JARID2: variants seen among roughly 807,000 people sequenced by gnomAD.
JARID2 encodes protein Jumonji.
Under a neutral mutation model 125.6 loss-of-function variants are expected in JARID2, and 21 were observed. The ratio of observed to expected loss-of-function variants is 0.17; its 90% confidence interval spans 0.12 to 0.24. The LOEUF (loss-of-function observed/expected upper bound fraction) is 0.24, where lower values mean the gene tolerates loss of function less well. JARID2 is among the 10% of genes least tolerant of loss of function. JARID2 has a pLI of 1.00. For missense variants in JARID2, 1,303 were observed against 1,639.6 expected (o/e 0.79, Z 3.55); for synonymous variants, 736 against 661.6 (o/e 1.11, Z -1.73).
At chr6:15,387,192 A>T (rs1764819627) in intron 2 of JARID2, among the ~76,000 whole-genome samples, 1 of 152,166 alleles carries the variant, frequency 6.6e-6, no homozygotes, top group African/African-American at 2.4e-5. Flanking sequence ...GAATCCTGTG[A>T]GGAGCCCATG....
At position 15,501,118 on chromosome 6, in the gene JARID2, G is replaced by A. The variant is rs757693580; in HGVS notation, c.2157G>A (p.Leu719=). The change falls in exon 8 of 18, where the codon CTG becomes CTA. Residue 719 remains leucine, a synonymous_variant. Transcript: ENST00000341776. ...DSLSPEEHRR[L]EKEVLMEKEI... is the part of the protein sequence containing the mutation. Reference sequence around the variant, plus strand: ...TGTCCCCAGAGGAGCACCGGCGGCTGGAGAAGGAGGTGCTGATGGAGAAGG... The same window carrying A: ...TGTCCCCAGAGGAGCACCGGCGGCTAGAGAAGGAGGTGCTGATGGAGAAGG... 5 of 1,614,024 alleles carry A rather than the reference G, an allele frequency of 3.1e-6. No individual in the cohort carries two copies. In the South Asian group the frequency reaches 3.3e-5, roughly 11 times the overall value.
chr6:15,430,539 A>C (rs1766925827), intron 3 of JARID2, among the ~76,000 whole-genome samples: 1 of 152,226 alleles, frequency 6.6e-6, no homozygotes, highest in Non-Finnish European at 1.5e-5. Flanking sequence ...AGTATATAAC[A>C]GTATAATAGG....
At position 15,468,563 on chromosome 6, in the gene JARID2, G is replaced by A. The variant is rs1410294338; in HGVS notation, c.515G>A (p.Ser172Asn). ...CCAGGTTCTCCTGCGCTGCCCAACA[G>A]CATGGTGTATTTTGGAAGCTCTCAG... ...CLRGSPALPN[S>N]MVYFGSSQDE... is the part of the protein sequence containing the mutation. The change falls in exon 5 of 18, where the codon AGC becomes AAC. Residue 172 changes from serine (S) to asparagine (N), a missense_variant. This residue lies in a region of JARID2 where 651 missense variants were observed against 581.6 expected (regional missense o/e 1.12). Coordinates refer to ENST00000341776, the MANE Select transcript of JARID2 (RefSeq NM_004973.4). The A allele has an allele frequency of 2.5e-6, 4 of 1,613,852 alleles. No individual in the cohort carries two copies. Among genetic ancestry groups the A allele is most frequent in the African/African-American group, 2.7e-5 (2 of 74,886 alleles).
At chr6:15,296,638 T>C (rs746289248) in intron 1 of JARID2, among the ~76,000 whole-genome samples, 3 of 152,212 alleles carry the variant, frequency 2.0e-5, no homozygotes, top group Non-Finnish European at 2.9e-5. Flanking sequence ...TCAGTGTCTA[T>C]TTCCTAAAAT....
Position 15,444,933 on chromosome 6 carries a change from C to T in JARID2, c.324-7073C>T, listed in dbSNP as rs182422825. ...GAACAGCTGTGCATTCACTTTAAGC[C>T]GCCTGGTCCCCCTTGCTCCTGCTTG... On this transcript the variant is annotated intron_variant, in intron 3 of 17. Transcript: ENST00000341776. Among the ~76,000 whole-genome samples the T allele has an allele frequency of 6.0e-3, 916 of 152,044 alleles. 11 individuals carry two copies. Among genetic ancestry groups the T allele is most frequent in the African/African-American group, 0.021 (857 of 41,442 alleles).
intron 1 of JARID2, among the ~76,000 whole-genome samples, chr6:15,277,934 A>G (rs1022644883): frequency 1.3e-5 from 2 of 152,150 alleles, no homozygotes; most frequent in Non-Finnish European, 2.9e-5. Flanking sequence ...TAAACAGTGT[A>G]AGGGAAAAAC....
intron 2 of JARID2, among the ~76,000 whole-genome samples, chr6:15,383,495 C>G (rs1317443700): frequency 6.6e-6 from 1 of 152,032 alleles, no homozygotes; most frequent in Admixed American, 6.5e-5. Flanking sequence ...AAAGTAAAGC[C>G]TCCCTTGTTC....
intron 6 of JARID2, among the ~76,000 whole-genome samples, chr6:15,487,824 T>G (rs1446710063): frequency 6.7e-5 from 1 of 14,966 alleles, no homozygotes; most frequent in Admixed American, 3.6e-4. Context: ...CCACCCACCC[T>G]GGGCTCCAGA....
rs541594399 is a variant in JARID2, at chr6:15,380,082, C to T, written c.181+5830C>T. On this transcript the variant is annotated intron_variant, in intron 2 of 17. Coordinates refer to ENST00000341776, the MANE Select transcript of JARID2 (RefSeq NM_004973.4). Reference sequence around the variant, plus strand: ...AGTCTTGCTTGCTCTGTTGCCCAGGCTGGAGTGTAATGGCGCAATCTCTGC... The same window carrying T: ...AGTCTTGCTTGCTCTGTTGCCCAGGTTGGAGTGTAATGGCGCAATCTCTGC... Among the ~76,000 whole-genome samples, 392 of 150,730 alleles carry T rather than the reference C, an allele frequency of 2.6e-3. 3 individuals are homozygous for T. Among genetic ancestry groups the T allele is most frequent in the African/African-American group, 9.2e-3 (375 of 40,972 alleles).
rs369740912 is a variant in JARID2, at chr6:15,424,875, A to G, written c.323+14510A>G. On this transcript the variant is annotated intron_variant, in intron 3 of 17. Transcript: ENST00000341776. ...ACTCTGTCTCAAACAAAACAAAACA[A>G]CAACAACAACAACAAACCAGCAAAC... Among the ~76,000 whole-genome samples the G allele has an allele frequency of 2.6e-5, 4 of 152,320 alleles. 1 individual carries two copies. The highest frequency in any genetic ancestry group is 9.6e-5 in the African/African-American group (4 of 41,570).
intron 1 of JARID2, among the ~76,000 whole-genome samples, chr6:15,321,552 C>G (rs545424825): frequency 2.5e-4 from 38 of 152,214 alleles, no homozygotes; most frequent in African/African-American, 8.9e-4. Flanking sequence ...TATTCAGAAC[C>G]AAAGACTGAC....
chr6:15,497,740 A>G (rs964037877), intron 7 of JARID2, among the ~76,000 whole-genome samples: 1 of 151,456 alleles, frequency 6.6e-6, no homozygotes, highest in African/African-American at 2.4e-5. Flanking sequence ...GTCACCTCCT[A>G]CCCACAACTG....
At chr6:15,440,218 C>T (rs1767388472) in intron 3 of JARID2, among the ~76,000 whole-genome samples, 1 of 152,218 alleles carries the variant, frequency 6.6e-6, no homozygotes, top group African/African-American at 2.4e-5. Context: ...ACATATGTGA[C>T]CTCTTTCAAT....
At chr6:15,457,009 A>T (rs1441936066) in intron 4 of JARID2, among the ~76,000 whole-genome samples, 1 of 151,684 alleles carries the variant, frequency 6.6e-6, no homozygotes, top group East Asian at 1.9e-4. Flanking sequence ...CCCAGAGACG[A>T]CCGCTGTTAA....
At chr6:15,500,866 T>C (rs768347186) in intron 7 of JARID2, 41 bp from the exon 8 acceptor site, 12 of 1,544,212 alleles carry the variant, frequency 7.8e-6, no homozygotes, top group Admixed American at 1.9e-5. Flanking sequence ...TTCGTGTCTC[T>C]TTCACTAACT....
At chr6:15,518,144 C>A (rs1166606214) in intron 17 of JARID2, among the ~76,000 whole-genome samples, 3 of 152,236 alleles carry the variant, frequency 2.0e-5, no homozygotes, top group African/African-American at 7.2e-5. Flanking sequence ...ACCTTAGCAG[C>A]AAATGTCCAG....
intron 1 of JARID2, among the ~76,000 whole-genome samples, chr6:15,346,622 G>A (rs1157204466): frequency 6.6e-6 from 1 of 152,046 alleles, no homozygotes; most frequent in African/African-American, 2.4e-5. Flanking sequence ...TGGAGCCATC[G>A]TTTTGTCTTG....
chr6:15,280,504 G>T (rs1218204898), intron 1 of JARID2, among the ~76,000 whole-genome samples: 1 of 152,150 alleles, frequency 6.6e-6, no homozygotes. Flanking sequence ...TTTATGTGGA[G>T]TTATTGTTGG....
intron 1 of JARID2, among the ~76,000 whole-genome samples, chr6:15,310,990 T>C (rs1263978677): frequency 6.6e-6 from 1 of 151,878 alleles, no homozygotes; most frequent in Non-Finnish European, 1.5e-5. Flanking sequence ...CGTCATAGAG[T>C]GAATATGAGG....
Sources: allele counts gnomAD v4.1 joint callset (sites outside exome capture counted in the v4.1 genomes callset), GRCh38; gene constraint gnomAD v4.1.1; regional missense constraint gnomAD v4.1.1; transcripts MANE v1.5; gene names NCBI Gene and HGNC (gene_info 2026-07-23, HGNC 2026-07-21).